Variants in ZNF749 observed in about 807,000 individuals in gnomAD.
ZNF749 encodes the protein zinc finger protein 749.
A neutral mutation model predicts 7.3 loss-of-function variants in ZNF749; 8 were observed. The ratio of observed to expected loss-of-function variants is 1.10; its 90% CI spans 0.64 to 1.98. The LOEUF (loss-of-function observed/expected upper bound fraction) is 1.98, where lower values mean the gene tolerates loss of function less well. Ranked by LOEUF, ZNF749 falls within the 30% of genes most tolerant of loss-of-function variation. ZNF749 has a pLI of 0.00. For missense variants in ZNF749, 898 were observed against 932.4 expected, an observed-to-expected ratio of 0.96 and a Z score of 0.48; for synonymous variants, 310 against 322.4, an observed-to-expected ratio of 0.96 and a Z score of 0.41.
rs2088929436 is a variant in ZNF749, at chr19:57,435,758, C to A, written c.15+165C>A. The A allele has an allele frequency of 3.0e-6, 4 of 1,340,492 alleles. No individual in the cohort carries two copies. In the South Asian group the frequency reaches 4.4e-5, roughly 15 times the overall value. The allele number at this position is 1,340,492 out of a possible 1,614,324, so 83.0% of individuals were successfully genotyped here. A position where few individuals can be genotyped will look rare whatever the true frequency, so the allele number is the denominator to read the frequency against. On this transcript the variant is annotated intron_variant, in intron 1 of 2. Transcript: ENST00000334181. ...TGCGATGAGGCGGGGGAGCTCCCGT[C>A]GGAGACCGACACGTCTCTGGGGCTT... is the stretch of plus-strand genomic sequence containing the variant.
rs1760987383 is a variant in ZNF749 at position 57,443,514 on chromosome 19, A to G, written c.366A>G (p.Gln122=). The G allele has an allele frequency of 1.2e-6, 2 of 1,614,076 alleles. No homozygotes were observed. Among genetic ancestry groups the G allele is most frequent in the African/African-American group, 1.3e-5 (1 of 74,940 alleles). The part of the protein sequence containing the change: ...YTCAAEHDLH[Q]KEQIREKLTR... ...GTGCAGCAGAGCATGACCTGCACCA[A>G]AAGGAGCAGATTAGAGAGAAGCTCA... The change falls in exon 3 of 3, where the codon CAA becomes CAG. Residue 122 remains glutamine, a synonymous_variant. Transcript: ENST00000334181.
chr19:57,445,494 A>G lies in ZNF749; in HGVS notation c.*9A>G. 1.3e-6 allele frequency: 2 copies of G among 1,591,400 alleles called. No homozygotes were observed. Among genetic ancestry groups the G allele is most frequent in the Non-Finnish European group, 1.7e-6 (2 of 1,168,796 alleles). On this transcript the variant is annotated 3_prime_UTR_variant, in exon 3 of 3. Transcript: ENST00000334181. ...CTGGAAAAAGGCCTTAGTGGAGTGA[A>G]TGCAGGAAAGTCACCAAAACTGTCA...
chr19:57,443,686 T>C lies in ZNF749; in HGVS notation c.538T>C (p.Tyr180His). Residue 180 changes from tyrosine to histidine, a missense_variant, in exon 3 of 3, where the codon TAC (tyrosine) becomes CAC (histidine). Tyr to His is a moderately conservative substitution (Grantham distance 83, BLOSUM62 2). Transcript: ENST00000334181. ...QQVLNSGWKL[Y>H]RDTQDGEAFQ... ...GGTCTTAAACAGTGGGTGGAAGCTGTACAGGGATACCCAGGATGGGGAAGC... is the reference window on the plus strand; with the variant it reads ...GGTCTTAAACAGTGGGTGGAAGCTGCACAGGGATACCCAGGATGGGGAAGC... 6.2e-7 allele frequency: 1 copy of C among 1,614,024 alleles called. No homozygotes were observed. The highest frequency in any genetic ancestry group is 1.1e-5 in the South Asian group (1 of 91,076).
In ZNF749 at chr19:57,443,949, A is replaced by G. The variant is rs1391832093; in HGVS notation, c.801A>G (p.Leu267=). 1 of 1,613,804 alleles carries G rather than the reference A, an allele frequency of 6.2e-7. No individual in the cohort carries two copies. The highest frequency in any genetic ancestry group is 8.5e-7 in the Non-Finnish European group (1 of 1,179,892). Residue 267 remains leucine, a synonymous_variant, in exon 3 of 3, where the codon CTA becomes CTG. Coordinates refer to ENST00000334181, the MANE Select transcript of ZNF749 (RefSeq NM_001023561.4). The part of the protein sequence containing the change: ...YGKTFIRKSN[L]VQHQKIHSEG... ...AGACCTTTATTAGAAAGTCCAACCT[A>G]GTTCAGCACCAGAAAATTCACAGTG...
chr19:57,435,708 G>C, intron 1 of ZNF749, 115 bp downstream of exon 1: 1 of 1,487,646 alleles, frequency 6.7e-7, no homozygotes, highest in African/African-American at 1.4e-5. Context: ...GTTCTTGTGT[G>C]GGGTGCCCGG....
chr19:57,445,557 A>T lies in ZNF749; in HGVS notation c.*72A>T, dbSNP rs1220093549. 3.2e-5 allele frequency: 49 copies of T among 1,522,360 alleles called. No homozygotes were observed. Among genetic ancestry groups the T allele is most frequent in the Non-Finnish European group, 4.1e-5 (47 of 1,139,684 alleles). 94.3% of individuals were successfully genotyped at this position (1,522,360 alleles called of 1,614,324 possible). A position where few individuals can be genotyped will look rare whatever the true frequency, so the allele number is the denominator to read the frequency against. On this transcript the variant is annotated 3_prime_UTR_variant, in exon 3 of 3. Transcript: ENST00000334181. ...CCAAAAGGTTCACATCGGACCAAGA[A>T]CCTATTAATATATGTAAATCTAATG...
Position 57,445,412 on chromosome 19 carries a change from A to C in ZNF749, c.2264A>C (p.Glu755Ala), listed in dbSNP as rs1024565573. The part of the protein sequence containing the change: ...HTGERSYECG[E>A]SSKVFKYNSS... Reference sequence around the variant, plus strand: ...GGAGAAAGGTCTTATGAGTGTGGTGAATCCAGCAAAGTGTTTAAATACAAC... The same window carrying C: ...GGAGAAAGGTCTTATGAGTGTGGTGCATCCAGCAAAGTGTTTAAATACAAC... The change falls in exon 3 of 3, where the codon GAA (glutamate) becomes GCA (alanine). Residue 755 changes from glutamate (E) to alanine (A), a missense_variant. Physicochemically the swap from Glu to Ala is moderately radical, Grantham distance 107. Transcript: ENST00000334181. 4.3e-6 allele frequency: 7 copies of C among 1,614,038 alleles called. No homozygotes were observed. The highest frequency in any genetic ancestry group is 5.9e-6 in the Non-Finnish European group (7 of 1,179,888).
rs562198706 is a variant in ZNF749 at position 57,446,230 on chromosome 19, A to G, written c.*745A>G. ...AGATTCTCATAGCAGCCTGAGCCCT[A>G]TTGTGAACTGTGCCTGTGAGGGATC... On this transcript the variant is annotated 3_prime_UTR_variant, in exon 3 of 3. Coordinates refer to ENST00000334181, the MANE Select transcript of ZNF749 (RefSeq NM_001023561.4). Among the ~76,000 whole-genome samples the G allele has an allele frequency of 1.3e-5, 2 of 152,222 alleles. No individual in the cohort carries two copies. The highest frequency in any genetic ancestry group is 6.5e-5 in the Admixed American group (1 of 15,296).
In ZNF749 at chr19:57,444,956, A is replaced by G. The variant is rs777151472; in HGVS notation, c.1808A>G (p.Gln603Arg). 4 of 1,613,904 alleles carry G rather than the reference A, an allele frequency of 2.5e-6. No individual in the cohort carries two copies. In the African/African-American group the frequency reaches 4.0e-5, roughly 16 times the overall value. ...FLDSYKLVIHQRIHTGEKPYK... is the reference protein window; with the variant it reads ...FLDSYKLVIHRRIHTGEKPYK... ...GACAGCTACAAACTTGTTATTCATC[A>G]GAGAATTCACACTGGAGAAAAGCCT... The change falls in exon 3 of 3, where the codon CAG becomes CGG. Residue 603 changes from glutamine (Q) to arginine (R), a missense_variant. Coordinates refer to ENST00000334181, the MANE Select transcript of ZNF749 (RefSeq NM_001023561.4).
chr19:57,435,650 C>G, intron 1 of ZNF749, 57 bp downstream of exon 1: 1 of 1,580,648 alleles, frequency 6.3e-7, no homozygotes, highest in Non-Finnish European at 8.6e-7. Context: ...GCTGAAGTCC[C>G]AAGGAGCCGC....
Position 57,444,759 on chromosome 19 carries a change from T to G in ZNF749, c.1611T>G (p.Phe537Leu). The G allele has an allele frequency of 1.9e-6, 3 of 1,613,582 alleles. No homozygotes were observed. The highest frequency in any genetic ancestry group is 2.5e-6 in the Non-Finnish European group (3 of 1,179,838). ...VQHEKIHTDAFSKRSDLIQHK... is the reference protein window; with the variant it reads ...VQHEKIHTDALSKRSDLIQHK... ...ATGAGAAAATCCACACTGATGCATT[T>G]TCAAAAAGGTCTGACCTCATTCAAC... The change falls in exon 3 of 3, where the codon TTT (phenylalanine) becomes TTG (leucine). Residue 537 changes from phenylalanine to leucine, a missense_variant. Transcript: ENST00000334181.
chr19:57,443,538 C>T lies in ZNF749; in HGVS notation c.390C>T (p.Leu130=). The T allele has an allele frequency of 6.2e-7, 1 of 1,614,224 alleles. No homozygotes were observed. Among genetic ancestry groups the T allele is most frequent in the South Asian group, 1.1e-5 (1 of 91,086 alleles). Residue 130 remains leucine, a synonymous_variant, in exon 3 of 3, where the codon CTC becomes CTT. Coordinates refer to ENST00000334181, the MANE Select transcript of ZNF749 (RefSeq NM_001023561.4). Reference sequence around the variant, plus strand: ...AAAAGGAGCAGATTAGAGAGAAGCTCACCAGAAGTGATGAGTGGAGGCCTT... The same window carrying T: ...AAAAGGAGCAGATTAGAGAGAAGCTTACCAGAAGTGATGAGTGGAGGCCTT... ...LHQKEQIREK[L]TRSDEWRPSF... is the part of the protein sequence containing the mutation.
At position 57,435,669 on chromosome 19, in the gene ZNF749, T is replaced by TGTCTC. The variant is rs1333820419; in HGVS notation, c.15+76_15+77insGTCTC. 9.3e-5 allele frequency: 145 copies of TGTCTC among 1,558,154 alleles called. 1 individual carries two copies. The South Asian group carries it at 1.7e-3, about 18-fold the overall frequency. On this transcript the variant is annotated intron_variant, in intron 1 of 2. Coordinates refer to ENST00000334181, the MANE Select transcript of ZNF749 (RefSeq NM_001023561.4). ...AAGTCCCAAGGAGCCGCCCTGCAGG[T>TGTCTC]TAGGCCCTTGTGTCTCTAAGAGAGG...
At chr19:57,431,859 G>A (rs537572221), upstream of ZNF749, among the ~76,000 whole-genome samples, 1 of 152,094 alleles carries the variant, frequency 6.6e-6, no homozygotes, top group African/African-American at 2.4e-5. Context: ...TTTCACTCTT[G>A]TTGCCCAGGC....
Position 57,444,487 on chromosome 19 carries a change from T to G in ZNF749, c.1339T>G (p.Phe447Val). ...TGAGTGCACTGAATGTGAGAAGGCCTTTGTTAGAAAGTCCCACCTAGTTCA... is the reference window on the plus strand; with the variant it reads ...TGAGTGCACTGAATGTGAGAAGGCCGTTGTTAGAAAGTCCCACCTAGTTCA... ...PYECTECEKA[F>V]VRKSHLVQHQ... Residue 447 changes from phenylalanine to valine, a missense_variant, in exon 3 of 3, where the codon TTT becomes GTT. Physicochemically the swap from Phe to Val is conservative, Grantham distance 50 (BLOSUM62 -1). Coordinates refer to ENST00000334181, the MANE Select transcript of ZNF749 (RefSeq NM_001023561.4). 6.2e-7 allele frequency: 1 copy of G among 1,614,006 alleles called. No homozygotes were observed. The highest frequency in any genetic ancestry group is 8.5e-7 in the Non-Finnish European group (1 of 1,179,888).
chr19:57,431,492 A>G (rs138312828), upstream of ZNF749, among the ~76,000 whole-genome samples: 218 of 152,284 alleles, frequency 1.4e-3, no homozygotes, highest in Non-Finnish European at 2.8e-3. Flanking sequence ...AGACGATCCA[A>G]TAAGTGCTGG....
chr19:57,446,544 T>C lies in ZNF749; in HGVS notation c.*1059T>C, dbSNP rs534384707. Among the ~76,000 whole-genome samples, 3 of 152,380 alleles carry C rather than the reference T, an allele frequency of 2.0e-5. No individual in the cohort carries two copies. The East Asian group carries it at 5.8e-4, about 29-fold the overall frequency. On this transcript the variant is annotated 3_prime_UTR_variant, in exon 3 of 3. Transcript: ENST00000334181. The stretch of plus-strand genomic sequence containing the variant: ...GTCTTTTGTGACTTATTTTGAGGCT[T>C]ATTTCCCTAAATGTCTTCAAGGTTT...
the ZNF749 span, among the ~76,000 whole-genome samples, chr19:57,429,234 C>G: frequency 8.5e-5 from 13 of 152,208 alleles, no homozygotes; most frequent in Admixed American, 1.3e-4. The surrounding 1 kb of genome is among the most constrained non-coding windows in gnomAD (Gnocchi z 4.2). Context: ...CCATATTGGC[C>G]GGGCTGGTCT....
rs2123103278 is a variant in ZNF749 at position 57,442,637 on chromosome 19, A to C, written c.142+626A>C. ...GAGTGGATAGTCCTCTATTAATGGC[A>C]AGAGACACTCAGAAGGACTTGGCCC... On this transcript the variant is annotated intron_variant, in intron 2 of 2. Coordinates refer to ENST00000334181, the MANE Select transcript of ZNF749 (RefSeq NM_001023561.4). The surrounding 1 kb of genome is among the most constrained non-coding windows in gnomAD (Gnocchi z 6.6). Among the ~76,000 whole-genome samples the C allele has an allele frequency of 6.6e-6, 1 of 152,262 alleles. No individual in the cohort carries two copies. Among genetic ancestry groups the C allele is most frequent in the South Asian group, 2.1e-4 (1 of 4,820 alleles).
Sources: allele counts gnomAD v4.1 joint callset (sites outside exome capture counted in the v4.1 genomes callset), GRCh38; gene constraint gnomAD v4.1.1; non-coding constraint Gnocchi (gnomAD v3.1); transcripts MANE v1.5; gene names NCBI Gene and HGNC (gene_info 2026-07-23, HGNC 2026-07-21).